RNGTT: variants seen among roughly 807,000 people sequenced by gnomAD.
RNGTT encodes mRNA-capping enzyme.
In RNGTT, 33 loss-of-function variants were observed where a neutral mutation model predicts 79.3. The ratio of observed to expected loss-of-function variants is 0.42; its 90% CI spans 0.32 to 0.56. The LOEUF is 0.56. RNGTT is among the 20% of genes least tolerant of loss of function. RNGTT has a pLI of 0.17. For missense variants in RNGTT, 497 were observed against 739.1 expected, an observed-to-expected ratio of 0.67 and a Z score of 3.80; for synonymous variants, 222 against 235.9, an observed-to-expected ratio of 0.94 and a Z score of 0.54.
intron 4 of RNGTT, among the ~76,000 whole-genome samples, chr6:88,914,992 T>G (rs914473449): frequency 3.9e-5 from 6 of 152,090 alleles, no homozygotes; most frequent in Admixed American, 3.3e-4. Flanking sequence ...AAAGAGGACA[T>G]ACAAGTGGCC....
chr6:88,775,199 T>C (rs1778835863), intron 12 of RNGTT, among the ~76,000 whole-genome samples: 1 of 152,208 alleles, frequency 6.6e-6, no homozygotes, highest in Non-Finnish European at 1.5e-5. Context: ...CAAATTAACA[T>C]TATCCATCTC....
At chr6:88,949,153 T>TAAAAAAAAAAAAAAAAAAAAAAAAAAAA (rs1785141399) in intron 1 of RNGTT, among the ~76,000 whole-genome samples, 1 of 18,244 alleles carries the variant, frequency 5.5e-5, no homozygotes, top group Non-Finnish European at 1.2e-4. Flanking sequence ...TAAAATAAAA[T>TAAAAAAAAAAAAAAAAAAAAAAAAAAAA]AAAATGAAAA....
chr6:88,630,571 T>C (rs1436314271), intron 14 of RNGTT, among the ~76,000 whole-genome samples: 1 of 152,226 alleles, frequency 6.6e-6, no homozygotes, highest in Non-Finnish European at 1.5e-5. Context: ...CTGCAAAGCT[T>C]ACTGATGGCA....
At position 88,782,282 on chromosome 6, in the gene RNGTT, T is replaced by C. The variant is rs574599291; in HGVS notation, c.1339-12408A>G. On this transcript the variant is annotated intron_variant, in intron 12 of 15. Coordinates refer to ENST00000369485, the MANE Select transcript of RNGTT (RefSeq NM_003800.5). ...ATCACAAAACAGAGTCATAAAGAAA[T>C]TGGTAGAAAAGATATTTGAACCCAA... 2.6e-5 allele frequency among the ~76,000 whole-genome samples: 4 copies of C among 152,138 alleles called. No individual in the cohort carries two copies. In the South Asian group the frequency reaches 6.2e-4, roughly 24 times the overall value.
chr6:88,674,921 A>G (rs1774804452), intron 14 of RNGTT, among the ~76,000 whole-genome samples: 1 of 152,060 alleles, frequency 6.6e-6, no homozygotes, highest in African/African-American at 2.4e-5. Context: ...ACATGGCGAA[A>G]CCACAGCTCT....
chr6:88,769,718 G>A, intron 13 of RNGTT, 56 bp downstream of exon 13: 1 of 1,014,756 alleles, frequency 9.9e-7, no homozygotes, highest in East Asian at 2.4e-5. Flanking sequence ...TGTAAAAGGT[G>A]AAGCCTTACA....
At chr6:88,634,008 T>C (rs1406161680) in intron 14 of RNGTT, among the ~76,000 whole-genome samples, 1 of 152,168 alleles carries the variant, frequency 6.6e-6, no homozygotes, top group Admixed American at 6.5e-5. Context: ...AATTTTCTGC[T>C]TCCTAAAATA....
At chr6:88,931,000 T>A (rs1306089794) in intron 2 of RNGTT, among the ~76,000 whole-genome samples, 1 of 152,090 alleles carries the variant, frequency 6.6e-6, no homozygotes, top group African/African-American at 2.4e-5. Context: ...GTTCAAGATT[T>A]CAGATTTTTC....
At chr6:88,918,864 C>T (rs1784078588) in intron 4 of RNGTT, among the ~76,000 whole-genome samples, 1 of 152,118 alleles carries the variant, frequency 6.6e-6, no homozygotes, top group Non-Finnish European at 1.5e-5. Context: ...ACCTAAGCTA[C>T]TGTTTTTGTA....
chr6:88,834,318 G>C (rs568482488), intron 11 of RNGTT, among the ~76,000 whole-genome samples: 2 of 152,054 alleles, frequency 1.3e-5, no homozygotes, highest in Non-Finnish European at 2.9e-5. Context: ...TTTAGTATGC[G>C]TTATATGATT....
intron 12 of RNGTT, among the ~76,000 whole-genome samples, chr6:88,772,115 G>C (rs953756344): frequency 2.6e-5 from 4 of 151,842 alleles, no homozygotes; most frequent in African/African-American, 9.7e-5. Context: ...GGAGGTCAAG[G>C]CTATAGTGAG....
rs1317118699 is a variant in RNGTT, at chr6:88,614,537, A to C, written c.1507-142T>G. 6.8e-6 allele frequency: 5 copies of C among 739,638 alleles called. No individual in the cohort carries two copies. In the East Asian group the frequency reaches 1.1e-4, roughly 16 times the overall value. The allele number at this position is 739,638 out of a possible 1,614,324, so 45.8% of individuals were successfully genotyped here. ...GAGCTCTTTGTCATCTGAAGTATCTAATCAAGCTTAAGGTATGGTGTGCAC... is the reference window on the plus strand; with the variant it reads ...GAGCTCTTTGTCATCTGAAGTATCTCATCAAGCTTAAGGTATGGTGTGCAC... On this transcript the variant is annotated intron_variant, in intron 14 of 15. Transcript: ENST00000369485.
intron 7 of RNGTT, among the ~76,000 whole-genome samples, 192 bp from the exon 8 acceptor site, chr6:88,890,788 G>T (rs758690270): frequency 2.0e-5 from 3 of 152,128 alleles, no homozygotes; most frequent in Non-Finnish European, 2.9e-5. Context: ...ATTTTAGAAT[G>T]CAAGTTAACA....
intron 1 of RNGTT, among the ~76,000 whole-genome samples, chr6:88,954,382 A>C (rs1009514986): frequency 2.1e-4 from 32 of 152,344 alleles, no homozygotes; most frequent in Non-Finnish European, 3.7e-4. Flanking sequence ...CAGTTCAAAA[A>C]GACAGAGAAG....
chr6:88,792,236 C>T (rs2127856497), intron 12 of RNGTT, among the ~76,000 whole-genome samples: 1 of 152,326 alleles, frequency 6.6e-6, no homozygotes, highest in East Asian at 1.9e-4. Flanking sequence ...TGCCCTGTCC[C>T]TGGACCACCT....
At chr6:88,689,875 C>CA (rs58459877) in intron 13 of RNGTT, among the ~76,000 whole-genome samples, 2,922 of 133,172 alleles carry the variant, frequency 0.022, 81 homozygotes, top group African/African-American at 0.065. Context: ...GTAACAATTA[C>CA]AAAAAAAAAA....
chr6:88,622,444 T>C (rs1448051116), intron 14 of RNGTT, among the ~76,000 whole-genome samples: 2 of 152,174 alleles, frequency 1.3e-5, no homozygotes, highest in African/African-American at 4.8e-5. Context: ...AGCAAAACTC[T>C]GGCTGGGTTT....
At position 88,941,193 on chromosome 6, in the gene RNGTT, G is replaced by T. The variant is rs772918511; in HGVS notation, c.65-13C>A. On this transcript the variant is annotated splice_polypyrimidine_tract_variant and intron_variant, in intron 1 of 15. Transcript: ENST00000369485. ...GGTAAGAATCTTCCTAAACAACACAGATAGGTAATCATTTCCATAAAAGGA... is the reference window on the plus strand; with the variant it reads ...GGTAAGAATCTTCCTAAACAACACATATAGGTAATCATTTCCATAAAAGGA... 1.4e-6 allele frequency: 2 copies of T among 1,398,372 alleles called. No homozygotes were observed. Among genetic ancestry groups the T allele is most frequent in the Non-Finnish European group, 2.0e-6 (2 of 997,048 alleles). The allele number at this position is 1,398,372 out of a possible 1,614,324, so 86.6% of individuals were successfully genotyped here.
At chr6:88,858,613 A>G (rs574798540) in intron 8 of RNGTT, among the ~76,000 whole-genome samples, 155 of 152,292 alleles carry the variant, frequency 1.0e-3, no homozygotes, top group African/African-American at 3.4e-3. Flanking sequence ...CAACAACCTC[A>G]CCAGGTCAGT....
Sources: gnomAD v4.1 joint callset for allele counts (sites outside exome capture counted in the v4.1 genomes callset) on GRCh38, gnomAD v4.1.1 for gene constraint, MANE v1.5 for transcripts, NCBI Gene and HGNC (gene_info 2026-07-23, HGNC 2026-07-21) for gene names.